JAK1: variants seen among roughly 807,000 people sequenced by gnomAD.
The protein encoded by JAK1 is tyrosine-protein kinase JAK1.
Under a neutral mutation model 136.6 loss-of-function variants are expected in JAK1, and 16 were observed. The ratio of observed to expected loss-of-function variants is 0.12; its 90% CI spans 0.08 to 0.18. The LOEUF (loss-of-function observed/expected upper bound fraction) is 0.18. Ranked by LOEUF, JAK1 falls within the 10% of genes least tolerant of loss-of-function variation. JAK1 has a pLI of 1.00. For synonymous variants in JAK1, 492 were observed against 519.5 expected (o/e 0.95, Z 0.72); for missense variants, 859 against 1,450.1 (o/e 0.59, Z 6.62).
chr1:64,854,474 C>T (rs567336022), intron 11 of JAK1, among the ~76,000 whole-genome samples: 3 of 152,266 alleles, frequency 2.0e-5, no homozygotes, highest in Admixed American at 6.5e-5. Flanking sequence ...CAGGTTAGGC[C>T]TGGCACTCAA....
intron 1 of JAK1, among the ~76,000 whole-genome samples, chr1:64,906,225 C>T (rs190117403): frequency 1.3e-4 from 20 of 150,878 alleles, no homozygotes; most frequent in Admixed American, 2.0e-4. Context: ...ACCTGGGAGG[C>T]GGGAGCTGCA....
At chr1:64,935,812 C>T (rs1645779069) in intron 1 of JAK1, among the ~76,000 whole-genome samples, 1 of 152,178 alleles carries the variant, frequency 6.6e-6, no homozygotes, top group African/African-American at 2.4e-5. Flanking sequence ...CCTGGAGAGC[C>T]ACCATATTGA....
intron 1 of JAK1, among the ~76,000 whole-genome samples, chr1:65,050,329 A>G (rs555649533): frequency 6.6e-6 from 1 of 152,228 alleles, no homozygotes; most frequent in Non-Finnish European, 1.5e-5. Flanking sequence ...AAGGAAAAGC[A>G]CAAAGTGCCA....
At chr1:65,008,600 A>G (rs1233453096) in intron 2 of JAK1, among the ~76,000 whole-genome samples, 1 of 151,920 alleles carries the variant, frequency 6.6e-6, no homozygotes, top group Admixed American at 6.6e-5. Flanking sequence ...ACAGGTTCAT[A>G]TAATAAGTCC....
At chr1:64,936,853 G>A (rs1266567310) in intron 1 of JAK1, among the ~76,000 whole-genome samples, 1 of 152,094 alleles carries the variant, frequency 6.6e-6, no homozygotes, top group Non-Finnish European at 1.5e-5. Flanking sequence ...CAATGTGACA[G>A]CAGAAAACAG....
At chr1:64,890,222 A>G (rs1644914225) in intron 1 of JAK1, among the ~76,000 whole-genome samples, 1 of 151,764 alleles carries the variant, frequency 6.6e-6, no homozygotes, top group Non-Finnish European at 1.5e-5. Flanking sequence ...ACCTAACACA[A>G]CAATGAAAAC....
Position 64,865,793 on chromosome 1 carries a change from G to A in JAK1, c.991-821C>T, listed in dbSNP as rs140991744. On this transcript the variant is annotated intron_variant, in intron 7 of 24. Coordinates refer to ENST00000342505, the MANE Select transcript of JAK1 (RefSeq NM_002227.4). ...ATTTAATTTTTTGAGACAGTGTCTT[G>A]CTGTCACCCAGGCTGGAGCACAGTG... Among the ~76,000 whole-genome samples, 468 of 152,224 alleles carry A rather than the reference G, an allele frequency of 3.1e-3. 2 individuals carry two copies. The highest frequency in any genetic ancestry group is 0.011 in the African/African-American group (447 of 41,526).
chr1:64,978,865 A>T (rs574942281), intron 2 of JAK1, among the ~76,000 whole-genome samples: 6 of 152,108 alleles, frequency 3.9e-5, no homozygotes, highest in Non-Finnish European at 8.8e-5. Flanking sequence ...TAAAAAAAAA[A>T]AAAAACTTAG....
At chr1:65,013,271 C>T (rs1391552362) in intron 2 of JAK1, among the ~76,000 whole-genome samples, 2 of 151,240 alleles carry the variant, frequency 1.3e-5, no homozygotes, top group East Asian at 3.9e-4. Context: ...CTGGCATGCA[C>T]CTGTAATCCC....
chr1:65,024,988 GT>G (rs938671601), intron 2 of JAK1, among the ~76,000 whole-genome samples: 2 of 151,810 alleles, frequency 1.3e-5, no homozygotes, highest in Non-Finnish European at 2.9e-5. Flanking sequence ...AAAAAAAAAA[GT>G]GACACCAGAA....
rs989506014 is a variant in JAK1, at chr1:64,844,683, G to A, written c.2251+71C>T. On this transcript the variant is annotated intron_variant, in intron 16 of 24. Transcript: ENST00000342505. The surrounding 1 kb of genome is among the most constrained non-coding windows in gnomAD (Gnocchi z 5.7). ...ACTCTCTAAAAGGAGACCAACCCCA[G>A]CCCAGCCCTTCTCTCTGCTGACTTG... 3 of 1,583,356 alleles carry A rather than the reference G, an allele frequency of 1.9e-6. No homozygotes were observed. Among genetic ancestry groups the A allele is most frequent in the Admixed American group, 3.3e-5 (2 of 59,742 alleles).
intron 1 of JAK1, among the ~76,000 whole-genome samples, chr1:64,964,513 T>C (rs373209491): frequency 6.6e-6 from 1 of 152,358 alleles, no homozygotes; most frequent in Admixed American, 6.5e-5. Context: ...TTTTAGGAAA[T>C]GTTTGAATTA....
chr1:64,917,474 C>T (rs993200399), intron 1 of JAK1, among the ~76,000 whole-genome samples: 3 of 152,172 alleles, frequency 2.0e-5, no homozygotes, highest in Non-Finnish European at 2.9e-5. Flanking sequence ...GGTCTCAACA[C>T]AAAAGCTGTG....
At chr1:65,054,643 G>T (rs1052562418) in intron 1 of JAK1, among the ~76,000 whole-genome samples, 4 of 152,120 alleles carry the variant, frequency 2.6e-5, no homozygotes, top group African/African-American at 9.7e-5. Context: ...GGCAGTTGAG[G>T]CAACTGGAAC....
intron 1 of JAK1, among the ~76,000 whole-genome samples, chr1:64,915,221 A>G (rs7549435): frequency 6.6e-6 from 1 of 152,314 alleles, no homozygotes; most frequent in African/African-American, 2.4e-5. Context: ...AAAATATATA[A>G]AGTAGTATAA....
At chr1:64,941,913 C>A (rs1205155302) in intron 1 of JAK1, 2 of 152,106 alleles carry the variant, frequency 1.3e-5, no homozygotes, top group African/African-American at 2.4e-5. Context: ...CCAGAGAAAG[C>A]CCTAGAGAAA....
rs985376737 is a variant in JAK1, at chr1:64,844,005, A to G, written c.2403+59T>C. ...TGCCAGGCTTCCGACAACTCCTGGG[A>G]AGCCCACGAGCACCTGAAAGCCCTC... On this transcript the variant is annotated intron_variant, in intron 17 of 24. Transcript: ENST00000342505. This position sits in a 1 kb window ranked among gnomAD's most constrained non-coding sequence, Gnocchi z 5.7. The G allele has an allele frequency of 1.1e-5, 18 of 1,598,026 alleles. No homozygotes were observed. Among genetic ancestry groups the G allele is most frequent in the Non-Finnish European group, 1.5e-5 (17 of 1,169,212 alleles).
intron 2 of JAK1, among the ~76,000 whole-genome samples, chr1:65,037,873 G>T (rs1490173557): frequency 6.6e-6 from 1 of 152,110 alleles, no homozygotes; most frequent in African/African-American, 2.4e-5. Context: ...TTCTGAAGAA[G>T]AAAATAATAA....
chr1:64,973,243 GAGAA>G (rs759759568), intron 2 of JAK1: 19 of 143,616 alleles, frequency 1.3e-4, no homozygotes, highest in Middle Eastern at 3.3e-3. Flanking sequence ...AAGAAAGAAG[GAGAA>G]AGAAAGAGAG....
Sources: gnomAD v4.1 joint callset for allele counts (sites outside exome capture counted in the v4.1 genomes callset) on GRCh38, gnomAD v4.1.1 for gene constraint, Gnocchi (gnomAD v3.1) non-coding constraint, MANE v1.5 for transcripts, NCBI Gene and HGNC (gene_info 2026-07-23, HGNC 2026-07-21) for gene names.